The following KIAA0319L variants were observed in gnomAD, a reference collection of about 807,000 sequenced individuals.
KIAA0319L encodes KIAA0319 like, also known as dyslexia-associated protein KIAA0319-like protein.
Under a neutral mutation model 120.1 loss-of-function variants are expected in KIAA0319L, and 55 were observed. That is an observed-to-expected ratio of 0.46 (90% CI 0.37 to 0.57). The LOEUF (loss-of-function observed/expected upper bound fraction) is 0.57, where lower values mean the gene tolerates loss of function less well. Ranked by LOEUF, KIAA0319L falls within the 20% of genes least tolerant of loss-of-function variation. The probability of loss-of-function intolerance (pLI) is 0.00; values close to 1 mark genes in which losing one functional copy is unlikely to be tolerated. For missense variants in KIAA0319L, 1,049 were observed against 1,255.3 expected (o/e 0.84, Z 2.48); for synonymous variants, 398 against 471.9 (o/e 0.84, Z 2.03).
chr1:35,477,623 C>T (rs1042186822), intron 4 of KIAA0319L, among the ~76,000 whole-genome samples: 1 of 145,576 alleles, frequency 6.9e-6, no homozygotes, highest in African/African-American at 2.6e-5. Context: ...GCCGAGATTG[C>T]GCCACTGCAC....
At chr1:35,472,874 C>T (rs1364977115) in intron 5 of KIAA0319L, among the ~76,000 whole-genome samples, 3 of 150,960 alleles carry the variant, frequency 2.0e-5, no homozygotes, top group African/African-American at 4.9e-5. Flanking sequence ...CTGCAACCTC[C>T]GCCTCCTGGG....
In KIAA0319L at chr1:35,466,758, G is replaced by A. The variant is rs975737247; in HGVS notation, c.1114-63C>T. The A allele has an allele frequency of 1.2e-5, 14 of 1,158,590 alleles. No individual in the cohort carries two copies. The African/African-American group carries it at 2.1e-4, about 18-fold the overall frequency. The allele number at this position is 1,158,590 out of a possible 1,614,324, so 71.8% of individuals were successfully genotyped here. The stretch of plus-strand genomic sequence containing the variant: ...AGAGCAGGAATTACATTTAAAATAA[G>A]ATATATCTGAACTTTCCCAAGCTGA... On this transcript the variant is annotated intron_variant, in intron 6 of 20. Coordinates refer to ENST00000325722, the MANE Select transcript of KIAA0319L (RefSeq NM_024874.5).
intron 9 of KIAA0319L, among the ~76,000 whole-genome samples, chr1:35,457,124 A>G (rs1473558388): frequency 1.3e-5 from 2 of 152,150 alleles, no homozygotes; most frequent in Non-Finnish European, 2.9e-5. Flanking sequence ...AACCATATAG[A>G]GTAGGCATCA....
Position 35,451,687 on chromosome 1 carries a change from G to A in KIAA0319L, c.2003C>T (p.Thr668Ile), listed in dbSNP as rs1299575489. 2.5e-6 allele frequency: 4 copies of A among 1,614,100 alleles called. No homozygotes were observed. Among genetic ancestry groups the A allele is most frequent in the Non-Finnish European group, 3.4e-6 (4 of 1,179,994 alleles). ...LQVGTYVFTL[T>I]VKDERNLQSQ... The stretch of plus-strand genomic sequence containing the variant: ...TTGCAGGTTCCTCTCATCTTTGACA[G>A]TCAAGGTGAACACATAGGTCCCCAC... Residue 668 changes from threonine (T) to isoleucine (I), a missense_variant, in exon 13 of 21, where the codon ACT becomes ATT. Physicochemically the swap from Thr to Ile is moderately conservative, Grantham distance 89 (BLOSUM62 -1). Coordinates refer to ENST00000325722, the MANE Select transcript of KIAA0319L (RefSeq NM_024874.5).
intron 6 of KIAA0319L, among the ~76,000 whole-genome samples, chr1:35,468,850 T>C (rs777649855): frequency 5.3e-5 from 8 of 152,268 alleles, no homozygotes; most frequent in Non-Finnish European, 1.2e-4. Flanking sequence ...AGTTTAGACC[T>C]ACCATTTAAT....
intron 3 of KIAA0319L, among the ~76,000 whole-genome samples, chr1:35,493,361 G>A (rs1487235023): frequency 1.3e-5 from 2 of 151,830 alleles, no homozygotes; most frequent in Admixed American, 6.6e-5. Context: ...TTTTTTTAAT[G>A]AAATACGGAT....
chr1:35,472,218 G>T (rs1479198820), intron 5 of KIAA0319L, among the ~76,000 whole-genome samples: 6 of 152,238 alleles, frequency 3.9e-5, no homozygotes, highest in African/African-American at 1.4e-4. Context: ...ATGTTCAAAG[G>T]TAGGAACAAC....
chr1:35,503,049 ATCTTCT>A (rs1179145724), intron 3 of KIAA0319L, among the ~76,000 whole-genome samples: 1 of 152,096 alleles, frequency 6.6e-6, no homozygotes, highest in Non-Finnish European at 1.5e-5. Flanking sequence ...CTAGTTTGCC[ATCTTCT>A]ATCCTTCACG....
chr1:35,518,192 T>C (rs971493800), intron 2 of KIAA0319L, among the ~76,000 whole-genome samples: 1 of 152,142 alleles, frequency 6.6e-6, no homozygotes, highest in Admixed American at 6.5e-5. Flanking sequence ...AGAACTACCA[T>C]CACTTCAACA....
At chr1:35,546,137 G>A (rs1322068834) in intron 2 of KIAA0319L, among the ~76,000 whole-genome samples, 1 of 152,158 alleles carries the variant, frequency 6.6e-6, no homozygotes, top group African/African-American at 2.4e-5. Flanking sequence ...CAGGTTACAA[G>A]TGAGGAATGA....
At chr1:35,549,176 G>C (rs938199455) in intron 2 of KIAA0319L, among the ~76,000 whole-genome samples, 1 of 151,440 alleles carries the variant, frequency 6.6e-6, no homozygotes, top group Non-Finnish European at 1.5e-5. Flanking sequence ...TCAGCCTTTC[G>C]AGTAGCTAGG....
Position 35,437,809 on chromosome 1 carries a change from A to T in KIAA0319L, c.2963-2728T>A, listed in dbSNP as rs757675005. Reference sequence around the variant, plus strand: ...GCTGATCCTCACCAGCAGATGGGAGATTCCTATTTCTACAGTTCCATGTCT... The same window carrying T: ...GCTGATCCTCACCAGCAGATGGGAGTTTCCTATTTCTACAGTTCCATGTCT... On this transcript the variant is annotated intron_variant, in intron 20 of 20. Transcript: ENST00000325722. The surrounding 1 kb of genome is among the most constrained non-coding windows in gnomAD (Gnocchi z 4.1). Among the ~76,000 whole-genome samples, 3 of 152,086 alleles carry T rather than the reference A, an allele frequency of 2.0e-5. No homozygotes were observed. Among genetic ancestry groups the T allele is most frequent in the Non-Finnish European group, 2.9e-5 (2 of 68,020 alleles).
At chr1:35,555,147 G>A (rs1222978926) in intron 1 of KIAA0319L, among the ~76,000 whole-genome samples, 1 of 151,910 alleles carries the variant, frequency 6.6e-6, no homozygotes, top group Non-Finnish European at 1.5e-5. Flanking sequence ...CAGAATCTAG[G>A]GGCTGGATTA....
At chr1:35,523,898 T>C (rs556822526) in intron 2 of KIAA0319L, among the ~76,000 whole-genome samples, 7 of 152,160 alleles carry the variant, frequency 4.6e-5, no homozygotes, top group Admixed American at 3.9e-4. Context: ...TAGTCACAGT[T>C]TAAAAGTTGG....
At chr1:35,535,709 G>A (rs927070567) in intron 2 of KIAA0319L, among the ~76,000 whole-genome samples, 1 of 151,868 alleles carries the variant, frequency 6.6e-6, no homozygotes, top group South Asian at 2.1e-4. Context: ...ATTTTAGCTC[G>A]GCCACCACTT....
Position 35,444,146 on chromosome 1 carries a change from C to T in KIAA0319L, c.2656+15G>A, listed in dbSNP as rs1180112154. On this transcript the variant is annotated intron_variant, in intron 17 of 20. Coordinates refer to ENST00000325722, the MANE Select transcript of KIAA0319L (RefSeq NM_024874.5). ...CTAGGTAGGCTCTTGCTCCCAAATTCCCAGAATTACTCACTGACAGTGTTG... is the reference window on the plus strand; with the variant it reads ...CTAGGTAGGCTCTTGCTCCCAAATTTCCAGAATTACTCACTGACAGTGTTG... The T allele has an allele frequency of 1.9e-6, 3 of 1,576,868 alleles. No individual in the cohort carries two copies. In the African/African-American group the frequency reaches 4.1e-5, roughly 21 times the overall value.
At chr1:35,436,862 C>T (rs1640832362) in intron 20 of KIAA0319L, among the ~76,000 whole-genome samples, 1 of 152,160 alleles carries the variant, frequency 6.6e-6, no homozygotes, top group African/African-American at 2.4e-5. Flanking sequence ...TCTTTCCCCC[C>T]AACGGACCCA....
chr1:35,526,331 ATATG>A (rs1455639813), intron 2 of KIAA0319L, among the ~76,000 whole-genome samples: 1 of 146,806 alleles, frequency 6.8e-6, no homozygotes, highest in Non-Finnish European at 1.5e-5. Flanking sequence ...ATGTGTGTGT[ATATG>A]TATATATGTA....
Position 35,456,162 on chromosome 1 carries a change from G to T in KIAA0319L, c.1507C>A (p.Pro503Thr), listed in dbSNP as rs778787484. The part of the protein sequence containing the change: ...LTVNKAVDYP[P>T]VANAGPNQVI... ...TGGTTGGGGCCTGCGTTGGCCACAGGGGGGTAATCCACAGCTTTGTTCACT... is the reference window on the plus strand; with the variant it reads ...TGGTTGGGGCCTGCGTTGGCCACAGTGGGGTAATCCACAGCTTTGTTCACT... The change falls in exon 10 of 21, where the codon CCT becomes ACT. Residue 503 changes from proline (P) to threonine (T), a missense_variant. Physicochemically the swap from Pro to Thr is conservative, Grantham distance 38. Coordinates refer to ENST00000325722, the MANE Select transcript of KIAA0319L (RefSeq NM_024874.5). 5.0e-6 allele frequency: 8 copies of T among 1,613,726 alleles called. No homozygotes were observed. The highest frequency in any genetic ancestry group is 1.7e-5 in the Admixed American group (1 of 60,000).
Sources: gnomAD v4.1 joint callset for allele counts (sites outside exome capture counted in the v4.1 genomes callset) on GRCh38, gnomAD v4.1.1 for gene constraint, Gnocchi (gnomAD v3.1) non-coding constraint, MANE v1.5 for transcripts, NCBI Gene and HGNC (gene_info 2026-07-23, HGNC 2026-07-21) for gene names.